The following AGAP1 variants were observed in gnomAD, a reference collection of about 807,000 sequenced individuals.
The protein encoded by AGAP1 is arf-GAP with GTPase, ANK repeat and PH domain-containing protein 1.
AGAP1 carries 29 observed loss-of-function variants against 105.3 expected under a neutral mutation model. The ratio of observed to expected loss-of-function variants is 0.28; its 90% CI spans 0.21 to 0.38. The LOEUF (loss-of-function observed/expected upper bound fraction) is 0.38, where lower values mean the gene tolerates loss of function less well. Among genes scored for constraint, AGAP1 ranks in the 10% least tolerant of loss-of-function variants. The pLI, the probability that AGAP1 is intolerant of heterozygous loss-of-function variation, is 1.00. For missense variants in AGAP1, 998 were observed against 1,165.1 expected (o/e 0.86, Z 2.09); for synonymous variants, 509 against 485.9 (o/e 1.05, Z -0.63).
chr2:236,113,025 C>G lies in AGAP1; in HGVS notation c.2115-7167C>G, dbSNP rs2059688953. ...ACTGTTTTTCCCCTTTTGAAACTTGCAATAAAATCTACCTGTCTCTTCTTT... is the reference window on the plus strand; with the variant it reads ...ACTGTTTTTCCCCTTTTGAAACTTGGAATAAAATCTACCTGTCTCTTCTTT... On this transcript the variant is annotated intron_variant, in intron 16 of 17. Transcript: ENST00000304032. This position sits in a 1 kb window ranked among gnomAD's most constrained non-coding sequence, Gnocchi z 4.3. Among the ~76,000 whole-genome samples, 1 of 152,230 alleles carries G rather than the reference C, an allele frequency of 6.6e-6. No homozygotes were observed. The highest frequency in any genetic ancestry group is 1.5e-5 in the Non-Finnish European group (1 of 68,034).
chr2:235,715,421 A>AGCTT (rs1266337392), intron 2 of AGAP1, among the ~76,000 whole-genome samples: 1 of 152,128 alleles, frequency 6.6e-6, no homozygotes, highest in East Asian at 1.9e-4. Context: ...GTGAGGGGAA[A>AGCTT]GCAGGGAAGC....
At chr2:235,709,114 G>A in intron 1 of AGAP1, 65 bp from the exon 2 acceptor site, 1 of 1,531,674 alleles carries the variant, frequency 6.5e-7, no homozygotes, top group South Asian at 1.1e-5. Flanking sequence ...TGGCCCATTG[G>A]AGGCATTTTG....
chr2:235,990,572 T>C (rs1322694481), intron 13 of AGAP1, among the ~76,000 whole-genome samples: 1 of 152,190 alleles, frequency 6.6e-6, no homozygotes, highest in Non-Finnish European at 1.5e-5. Flanking sequence ...CCTTCCAACA[T>C]GGTGGCTGGG....
At chr2:236,059,198 C>T (rs2058123326) in intron 16 of AGAP1, among the ~76,000 whole-genome samples, 2 of 151,766 alleles carry the variant, frequency 1.3e-5, no homozygotes, top group Admixed American at 6.6e-5. Flanking sequence ...TCTTTCTGTA[C>T]ACTAGCAGTG....
rs1947902805 is a variant in AGAP1, at chr2:235,660,207, A to G, written c.164-48972A>G. 6.6e-6 allele frequency among the ~76,000 whole-genome samples: 1 copy of G among 152,138 alleles called. No individual in the cohort carries two copies. The highest frequency in any genetic ancestry group is 2.1e-4 in the South Asian group (1 of 4,828). On this transcript the variant is annotated intron_variant, in intron 1 of 17. Coordinates refer to ENST00000304032, the MANE Select transcript of AGAP1 (RefSeq NM_001037131.3). This position sits in a 1 kb window ranked among gnomAD's most constrained non-coding sequence, Gnocchi z 5.3. ...TGAGGATTTTTGTGGCTAGGGGAAG[A>G]AGTGAATCACCCTCTTCTCTGTGTC...
chr2:235,814,378 C>T (rs180897550), intron 9 of AGAP1, among the ~76,000 whole-genome samples: 49 of 152,342 alleles, frequency 3.2e-4, no homozygotes, highest in Admixed American at 1.0e-3. Flanking sequence ...GAAATACAAG[C>T]TCTCCTACAA....
At chr2:236,011,086 A>G (rs1443888167) in intron 13 of AGAP1, among the ~76,000 whole-genome samples, 1 of 152,220 alleles carries the variant, frequency 6.6e-6, no homozygotes, top group African/African-American at 2.4e-5. Flanking sequence ...AGCCAGCATG[A>G]TGATGAGTTT....
chr2:235,823,653 T>C (rs768413179), intron 9 of AGAP1, among the ~76,000 whole-genome samples: 5 of 152,210 alleles, frequency 3.3e-5, no homozygotes, highest in Non-Finnish European at 5.9e-5. Context: ...CTCAAAAAAA[T>C]AGAAATAACA....
At chr2:235,581,467 T>C (rs1231354708) in intron 1 of AGAP1, among the ~76,000 whole-genome samples, 3 of 148,064 alleles carry the variant, frequency 2.0e-5, no homozygotes, top group Non-Finnish European at 4.5e-5. Context: ...TTTTTTTTAA[T>C]GGATTGAGTG....
In AGAP1 at chr2:235,753,837, CAGTT is replaced by C. The variant is rs1393787951; in HGVS notation, c.673+3351_673+3354del. Among the ~76,000 whole-genome samples the C allele has an allele frequency of 6.6e-6, 1 of 151,982 alleles. No homozygotes were observed. The highest frequency in any genetic ancestry group is 1.5e-5 in the Non-Finnish European group (1 of 68,002). On this transcript the variant is annotated intron_variant, in intron 6 of 17. Transcript: ENST00000304032. The surrounding 1 kb of genome is among the most constrained non-coding windows in gnomAD (Gnocchi z 4.5). ...GAAGATAACATTTTTAAAATAAAATCAGTTACTTTGTATATTTTATATCATAGTT... is the reference window on the plus strand; with the variant it reads ...GAAGATAACATTTTTAAAATAAAATCACTTTGTATATTTTATATCATAGTT...
intron 1 of AGAP1, among the ~76,000 whole-genome samples, chr2:235,511,168 C>T (rs1481789330): frequency 6.6e-6 from 1 of 152,052 alleles, no homozygotes; most frequent in Non-Finnish European, 1.5e-5. Flanking sequence ...TGGGGCAGCC[C>T]TGAGTCTTCG....
chr2:236,004,555 G>T (rs1053293195), intron 13 of AGAP1, among the ~76,000 whole-genome samples: 1 of 152,178 alleles, frequency 6.6e-6, no homozygotes, highest in African/African-American at 2.4e-5. Context: ...GCATCAGGAG[G>T]CTATACCCTC....
chr2:235,618,967 G>T (rs1455313153), intron 1 of AGAP1, among the ~76,000 whole-genome samples: 1 of 151,994 alleles, frequency 6.6e-6, no homozygotes, highest in Non-Finnish European at 1.5e-5. Flanking sequence ...TGATCTTTTG[G>T]GTCAGAGTCA....
chr2:235,972,866 C>T, intron 13 of AGAP1, among the ~76,000 whole-genome samples: 1 of 152,164 alleles, frequency 6.6e-6, no homozygotes, highest in East Asian at 1.9e-4. Flanking sequence ...GGTATGTGCT[C>T]CCCTCCATCA....
rs993818648 is a variant in AGAP1, at chr2:235,893,272, G to T, written c.1155+9823G>T. ...GCCATGTCCATCATAAGGAAGCGCC[G>T]TGTCTGTAGCGTGGGTGTAGCGTGT... On this transcript the variant is annotated intron_variant, in intron 10 of 17. Coordinates refer to ENST00000304032, the MANE Select transcript of AGAP1 (RefSeq NM_001037131.3). This position sits in a 1 kb window ranked among gnomAD's most constrained non-coding sequence, Gnocchi z 4.7. Among the ~76,000 whole-genome samples the T allele has an allele frequency of 6.6e-6, 1 of 151,240 alleles. No individual in the cohort carries two copies. The highest frequency in any genetic ancestry group is 2.4e-5 in the African/African-American group (1 of 41,118).
chr2:235,766,887 G>T (rs1328387135), intron 6 of AGAP1, among the ~76,000 whole-genome samples: 1 of 149,904 alleles, frequency 6.7e-6, no homozygotes, highest in African/African-American at 2.5e-5. Context: ...GATTATATGT[G>T]CGTGCCACCA....
chr2:235,711,775 A>T (rs1191248605), intron 2 of AGAP1, among the ~76,000 whole-genome samples: 1 of 152,150 alleles, frequency 6.6e-6, no homozygotes, highest in Non-Finnish European at 1.5e-5. Context: ...GGCAGCCTCC[A>T]AGTGCCTATA....
chr2:235,713,935 A>G (rs560081462), intron 2 of AGAP1, among the ~76,000 whole-genome samples: 1 of 152,306 alleles, frequency 6.6e-6, no homozygotes, highest in East Asian at 1.9e-4. Flanking sequence ...CAAGGGCGCT[A>G]ATCTGCTCCC....
chr2:235,649,506 T>C (rs1032176973), intron 1 of AGAP1, among the ~76,000 whole-genome samples: 13 of 152,180 alleles, frequency 8.5e-5, no homozygotes, highest in Admixed American at 7.9e-4. Context: ...TCCGAATAAC[T>C]GAGACTACAG....
Sources: allele counts gnomAD v4.1 joint callset (sites outside exome capture counted in the v4.1 genomes callset), GRCh38; gene constraint gnomAD v4.1.1; non-coding constraint Gnocchi (gnomAD v3.1); transcripts MANE v1.5; gene names NCBI Gene and HGNC (gene_info 2026-07-23, HGNC 2026-07-21).